Variants in DMD observed in about 807,000 individuals in gnomAD.
The protein encoded by DMD is mutant dystrophin.
Under a neutral mutation model 330.1 loss-of-function variants are expected in DMD, and 63 were observed. That is an observed-to-expected ratio of 0.19 (90% CI 0.16 to 0.24). DMD has a LOEUF of 0.24. DMD is among the 10% of genes least tolerant of loss of function. The pLI is 1.00. For synonymous variants in DMD, 1,223 were observed against 959.8 expected (o/e 1.27, Z -5.07); for missense variants, 3,344 against 2,684.1 (o/e 1.25, Z -5.43).
intron 55 of DMD, among the ~76,000 whole-genome samples, chrX:31,535,959 A>C (rs1364911637): frequency 8.9e-6 from 1 of 112,286 alleles, no homozygotes; most frequent in African/African-American, 3.2e-5. Flanking sequence ...ATGAACAAGT[A>C]TCTGAGAGAA....
intron 55 of DMD, among the ~76,000 whole-genome samples, chrX:31,510,254 G>A (rs2071356791): frequency 9.0e-6 from 1 of 111,521 alleles, no homozygotes; most frequent in African/African-American, 3.3e-5. Context: ...TAGCTGATAA[G>A]TGTTAGAACT....
chrX:32,319,207 G>C (rs181421603), intron 41 of DMD, among the ~76,000 whole-genome samples: 1 of 110,886 alleles, frequency 9.0e-6, no homozygotes, highest in Admixed American at 9.6e-5. Flanking sequence ...AAAGGGCTTT[G>C]GTTGCCACCA....
chrX:32,756,279 C>T (rs763635735), intron 7 of DMD: 2 of 111,733 alleles, frequency 1.8e-5, no homozygotes, highest in African/African-American at 6.5e-5. Flanking sequence ...AAGCTGAGAA[C>T]GTCATATTTC....
chrX:31,641,398 G>A (rs1460556150), intron 54 of DMD, among the ~76,000 whole-genome samples: 1 of 108,317 alleles, frequency 9.2e-6, no homozygotes, highest in Admixed American at 9.9e-5. Flanking sequence ...AGCCACTCGG[G>A]AGGCTGAGAC....
chrX:32,206,035 G>A, intron 44 of DMD: 2 of 508,192 alleles, frequency 3.9e-6, no homozygotes, highest in Non-Finnish European at 7.2e-6. Flanking sequence ...GTCAGTTTAG[G>A]GGCTGGGGCA....
At chrX:32,777,253 T>C (rs1303955683) in intron 7 of DMD, among the ~76,000 whole-genome samples, 1 of 11,799 alleles carries the variant, frequency 8.5e-5, no homozygotes, top group Non-Finnish European at 1.5e-4. Context: ...TGGAAGTTCC[T>C]AGTTTTTAAG....
intron 1 of DMD, among the ~76,000 whole-genome samples, chrX:33,121,582 C>T (rs958674885): frequency 8.9e-6 from 1 of 111,836 alleles, no homozygotes; most frequent in Admixed American, 9.5e-5. Flanking sequence ...TAATTTGAGA[C>T]ACAGAACCAC....
intron 67 of DMD, among the ~76,000 whole-genome samples, chrX:31,186,545 T>C (rs1443140039): frequency 9.0e-6 from 1 of 111,382 alleles, no homozygotes; most frequent in Non-Finnish European, 1.9e-5. Context: ...AAATAACTAA[T>C]GGGTATTAGG....
rs1342368861 is a variant in DMD at position 33,085,302 on chromosome X, TTACAAAG to T, written c.32-65109_32-65103del. Among the ~76,000 whole-genome samples, 385 of 111,627 alleles carry T rather than the reference TTACAAAG, an allele frequency of 3.4e-3. 2 individuals carry two copies. The highest frequency in any genetic ancestry group is 0.012 in the African/African-American group (367 of 30,811). ...ATTAGTGATTCAATTTCTAAAGGCC[TTACAAAG>T]ATATAATTCAGTATTTTATGGTAAT... is the stretch of plus-strand genomic sequence containing the variant. On this transcript the variant is annotated intron_variant, in intron 1 of 78. Transcript: ENST00000357033.
chrX:31,787,937 C>G (rs2091391792), intron 50 of DMD, among the ~76,000 whole-genome samples: 1 of 112,120 alleles, frequency 8.9e-6, no homozygotes, highest in African/African-American at 3.2e-5. Flanking sequence ...GTTAGAAGCA[C>G]AACAAATAAA....
chrX:31,820,230 A>G (rs1210015019), intron 49 of DMD, 147 bp from the exon 50 acceptor site: 13 of 524,755 alleles, frequency 2.5e-5, no homozygotes, highest in Non-Finnish European at 3.7e-5. Context: ...TTTCTTTTAA[A>G]GGAATTATAA....
At chrX:31,292,262 A>T (rs1212895101) in intron 62 of DMD, among the ~76,000 whole-genome samples, 1 of 111,873 alleles carries the variant, frequency 8.9e-6, no homozygotes, top group African/African-American at 3.2e-5. Flanking sequence ...GATCAATAAG[A>T]AAAAGAAGGA....
intron 52 of DMD, among the ~76,000 whole-genome samples, chrX:31,691,748 A>C (rs930587363): frequency 8.9e-6 from 1 of 112,386 alleles, no homozygotes; most frequent in Non-Finnish European, 1.9e-5. Flanking sequence ...CATAACAAGT[A>C]TATAAGCATC....
At chrX:32,234,277 C>A (rs1203153644) in intron 43 of DMD, among the ~76,000 whole-genome samples, 1 of 112,010 alleles carries the variant, frequency 8.9e-6, no homozygotes, top group Non-Finnish European at 1.9e-5. Flanking sequence ...TAACCACGTG[C>A]AAATGAACGT....
At chrX:32,553,044 G>C (rs951209994) in intron 16 of DMD, among the ~76,000 whole-genome samples, 14 of 111,653 alleles carry the variant, frequency 1.3e-4, no homozygotes, top group Non-Finnish European at 1.3e-4. Context: ...ATTACCATTC[G>C]ACCCAGCAAT....
chrX:31,475,164 T>G (rs773967930), intron 59 of DMD, among the ~76,000 whole-genome samples: 1 of 111,872 alleles, frequency 8.9e-6, no homozygotes, highest in Non-Finnish European at 1.9e-5. Context: ...CTGAGAAAGA[T>G]AGATGTGCTG....
chrX:32,735,209 G>A (rs1354775839), intron 7 of DMD, among the ~76,000 whole-genome samples: 1 of 108,372 alleles, frequency 9.2e-6, no homozygotes, highest in East Asian at 2.9e-4. Flanking sequence ...AACTTACAAG[G>A]GATGTGAAGG....
chrX:32,330,257 T>C (rs974021330), intron 41 of DMD, among the ~76,000 whole-genome samples: 3 of 112,361 alleles, frequency 2.7e-5, no homozygotes, highest in Non-Finnish European at 5.6e-5. Flanking sequence ...AACTGGATCA[T>C]AAAGGAGGGC....
intron 9 of DMD, among the ~76,000 whole-genome samples, chrX:32,657,787 T>A (rs1487656133): frequency 1.8e-5 from 2 of 112,136 alleles, no homozygotes; most frequent in East Asian, 5.6e-4. Context: ...AAATTCTTAA[T>A]GTTATTTTCC....
Sources: gnomAD v4.1 joint callset for allele counts (sites outside exome capture counted in the v4.1 genomes callset) on GRCh38, gnomAD v4.1.1 for gene constraint, MANE v1.5 for transcripts, NCBI Gene and HGNC (gene_info 2026-07-23, HGNC 2026-07-21) for gene names.